FMN1: variants seen among roughly 807,000 people sequenced by gnomAD.
FMN1 encodes the protein formin 1.
A neutral mutation model predicts 132.4 loss-of-function variants in FMN1; 110 were observed. The ratio of observed to expected loss-of-function variants is 0.83; its 90% CI spans 0.71 to 0.97. The LOEUF (loss-of-function observed/expected upper bound fraction) is 0.97. FMN1 is among the 50% of genes least tolerant of loss of function. The pLI is 0.00. For synonymous variants in FMN1, 722 were observed against 651.7 expected, an observed-to-expected ratio of 1.11 and a Z score of -1.64; for missense variants, 1,792 against 1,705.3, an observed-to-expected ratio of 1.05 and a Z score of -0.90.
At chr15:32,979,750 A>AT (rs1462125927) in intron 7 of FMN1, among the ~76,000 whole-genome samples, 1 of 48,812 alleles carries the variant, frequency 2.0e-5, no homozygotes, top group Non-Finnish European at 4.4e-5. Context: ...AAAACCCAGG[A>AT]CCTACCATCA....
intron 9 of FMN1, among the ~76,000 whole-genome samples, chr15:32,955,704 ACTTTTTTGTGTTTT>A: frequency 6.6e-6 from 1 of 152,182 alleles, no homozygotes; most frequent in Non-Finnish European, 1.5e-5. Flanking sequence ...CATATCCTGT[ACTTTTTTGTGTTTT>A]CCAAACAGAT....
chr15:33,124,222 T>A (rs1962836950), intron 4 of FMN1, among the ~76,000 whole-genome samples: 1 of 151,982 alleles, frequency 6.6e-6, no homozygotes, highest in Admixed American at 6.5e-5. Flanking sequence ...GAGGTGATGT[T>A]AAAGACAAAA....
intron 9 of FMN1, among the ~76,000 whole-genome samples, chr15:32,943,601 C>A (rs556539487): frequency 1.3e-5 from 2 of 152,272 alleles, no homozygotes; most frequent in East Asian, 3.9e-4. Flanking sequence ...TTGGAAGACA[C>A]GTAGAATCCT....
At chr15:32,803,552 C>A (rs915961775) in intron 18 of FMN1, among the ~76,000 whole-genome samples, 1 of 152,170 alleles carries the variant, frequency 6.6e-6, no homozygotes, top group Non-Finnish European at 1.5e-5. Flanking sequence ...TGTTCCCCAA[C>A]TTCTGGGGGA....
intron 3 of FMN1, among the ~76,000 whole-genome samples, chr15:33,169,472 A>G (rs1965231504): frequency 6.6e-6 from 1 of 152,170 alleles, no homozygotes; most frequent in Non-Finnish European, 1.5e-5. Flanking sequence ...TTCAAACGGA[A>G]TTTTGAGACA....
intron 17 of FMN1, among the ~76,000 whole-genome samples, chr15:32,835,746 T>C (rs1279625682): frequency 6.6e-6 from 1 of 152,214 alleles, no homozygotes; most frequent in Non-Finnish European, 1.5e-5. Context: ...GGTAAATGTC[T>C]GTGTGGTACA....
rs951882149 is a variant in FMN1 at position 32,769,871 on chromosome 15, A to G, written c.*4439T>C. On this transcript the variant is annotated 3_prime_UTR_variant, in exon 21 of 21. Transcript: ENST00000616417. Reference sequence around the variant, plus strand: ...AAATAACTAATACAAAACAAATTTTAAAAAGTGGAAGCTTTTTCTTTCCTC... The same window carrying G: ...AAATAACTAATACAAAACAAATTTTGAAAAGTGGAAGCTTTTTCTTTCCTC... 1 of 152,268 alleles carries G rather than the reference A, an allele frequency of 6.6e-6. No homozygotes were observed. The highest frequency in any genetic ancestry group is 2.4e-5 in the African/African-American group (1 of 41,464). 9.4% of individuals were successfully genotyped at this position (152,268 alleles called of 1,614,324 possible).
At chr15:32,922,175 C>T (rs2060843903) in intron 10 of FMN1, among the ~76,000 whole-genome samples, 1 of 152,102 alleles carries the variant, frequency 6.6e-6, no homozygotes, top group Non-Finnish European at 1.5e-5. Flanking sequence ...ATCTTATGTG[C>T]TGTTGTAGTC....
At chr15:33,140,053 G>A (rs985787857) in intron 4 of FMN1, among the ~76,000 whole-genome samples, 1 of 152,000 alleles carries the variant, frequency 6.6e-6, no homozygotes, top group Non-Finnish European at 1.5e-5. Flanking sequence ...TCTAGGCAAA[G>A]TATATTTATT....
intron 6 of FMN1, chr15:33,012,198 C>T (rs2034767675): frequency 8.3e-6 from 5 of 605,830 alleles, no homozygotes; most frequent in Non-Finnish European, 1.2e-5. Context: ...TTGAAACCAC[C>T]GATAAGTGCC....
chr15:32,829,266 A>T (rs905179307), intron 17 of FMN1, among the ~76,000 whole-genome samples: 1 of 152,236 alleles, frequency 6.6e-6, no homozygotes, highest in Non-Finnish European at 1.5e-5. Context: ...AGTTTATGAG[A>T]CCAAGCTATT....
intron 14 of FMN1, chr15:32,899,764 A>G: frequency 1.7e-6 from 1 of 589,556 alleles, no homozygotes; most frequent in Non-Finnish European, 2.9e-6. Flanking sequence ...GAATTGAGTA[A>G]TTGAAAATAA....
At chr15:33,165,140 G>C (rs1429392600) in intron 3 of FMN1, among the ~76,000 whole-genome samples, 2 of 152,224 alleles carry the variant, frequency 1.3e-5, no homozygotes, top group African/African-American at 4.8e-5. Context: ...AATGGTGACA[G>C]CACAGCATCT....
In FMN1 at chr15:32,857,117, G is replaced by A. The variant is rs1489199570; in HGVS notation, c.3836-10C>T. The A allele has an allele frequency of 2.5e-6, 4 of 1,603,782 alleles. No homozygotes were observed. Among genetic ancestry groups the A allele is most frequent in the Non-Finnish European group, 3.4e-6 (4 of 1,170,772 alleles). ...ATCTGTTTCTCACTTGCTGTGAAGA[G>A]AAATTTAGAATTAGACTTAGGAACA... On this transcript the variant is annotated splice_polypyrimidine_tract_variant and intron_variant, in intron 16 of 20. Coordinates refer to ENST00000616417, the MANE Select transcript of FMN1 (RefSeq NM_001277313.2).
chr15:32,969,081 A>T lies in FMN1; in HGVS notation c.2620T>A (p.Ser874Thr). 6.3e-7 allele frequency: 1 copy of T among 1,599,320 alleles called. No individual in the cohort carries two copies. The highest frequency in any genetic ancestry group is 8.5e-7 in the Non-Finnish European group (1 of 1,171,206). The change falls in exon 8 of 21, where the codon TCC becomes ACC. Residue 874 changes from serine to threonine, a missense_variant. By Grantham distance (58) the Ser-to-Thr change is moderately conservative. Transcript: ENST00000616417. ...GGGAGGGGCGGAGGGGGAGGGATGG[A>T]TGCGGGAGGCGGAGGCAATGCCTTC... Reference protein sequence around the residue: ...QQKALPPPPASIPPPPPLPSG... With the variant: ...QQKALPPPPATIPPPPPLPSG...
chr15:33,027,266 T>G (rs1394869054), intron 6 of FMN1, among the ~76,000 whole-genome samples: 1 of 152,172 alleles, frequency 6.6e-6, no homozygotes, highest in Non-Finnish European at 1.5e-5. Flanking sequence ...ATTTTCTATT[T>G]TAATTTAGAA....
intron 14 of FMN1, 72 bp downstream of exon 14, chr15:32,899,907 C>T (rs778525123): frequency 6.2e-6 from 9 of 1,453,082 alleles, no homozygotes; most frequent in Middle Eastern, 1.9e-4. Context: ...ATCTGGAATA[C>T]GTTTTTTAAA....
At chr15:32,927,586 AT>A (rs1688267416) in intron 9 of FMN1, among the ~76,000 whole-genome samples, 1 of 152,272 alleles carries the variant, frequency 6.6e-6, no homozygotes, top group South Asian at 2.1e-4. Flanking sequence ...AATACTATGT[AT>A]TTTTACAATC....
At chr15:33,096,424 G>C (rs1240075059) in intron 4 of FMN1, among the ~76,000 whole-genome samples, 1 of 152,112 alleles carries the variant, frequency 6.6e-6, no homozygotes, top group African/African-American at 2.4e-5. Flanking sequence ...CTCTTCATCA[G>C]AGCTGCTAAG....
Sources: gnomAD v4.1 joint callset for allele counts (sites outside exome capture counted in the v4.1 genomes callset) on GRCh38, gnomAD v4.1.1 for gene constraint, MANE v1.5 for transcripts, NCBI Gene and HGNC (gene_info 2026-07-23, HGNC 2026-07-21) for gene names.